Variants in XRCC3 observed in about 807,000 individuals in gnomAD.
XRCC3 encodes the protein DNA repair protein XRCC3.
A neutral mutation model predicts 29.2 loss-of-function variants in XRCC3; 34 were observed. The observed-to-expected ratio is 1.16, with a 90% CI of 0.88 to 1.55. The LOEUF is 1.55. Ranked by LOEUF, XRCC3 falls within the 40% of genes most tolerant of loss-of-function variation. The pLI, the probability that XRCC3 is intolerant of heterozygous loss-of-function variation, is 0.00. For missense variants in XRCC3, 463 were observed against 467.6 expected, an observed-to-expected ratio of 0.99 and a Z score of 0.09; for synonymous variants, 223 against 211.3, an observed-to-expected ratio of 1.06 and a Z score of -0.48.
chr14:103,701,209 A>AC (rs749765355), intron 7 of XRCC3: 2 of 1,550,428 alleles, frequency 1.3e-6, no homozygotes, highest in South Asian at 2.4e-5. Context: ...AGTGACCCCG[A>AC]CCTGGCCCCG....
chr14:103,703,560 C>A (rs2151932550), intron 6 of XRCC3: 1 of 564,524 alleles, frequency 1.8e-6, no homozygotes. Context: ...CCACTTCTGA[C>A]ACCCAGGCAA....
chr14:103,700,713 G>A, intron 7 of XRCC3: 1 of 1,602,430 alleles, frequency 6.2e-7, no homozygotes, highest in Non-Finnish European at 8.5e-7. Context: ...TGGCCTGGAA[G>A]ACGCCACCGC....
At chr14:103,707,265 G>C (rs769230743) in intron 5 of XRCC3, 50 bp from the exon 6 acceptor site, 11 of 1,545,460 alleles carry the variant, frequency 7.1e-6, no homozygotes, top group Non-Finnish European at 9.6e-6. Context: ...CCTGCGGGCA[G>C]GGCTGGGGAC....
At chr14:103,707,529 A>C in intron 5 of XRCC3, 2 of 467,382 alleles carry the variant, frequency 4.3e-6, no homozygotes, top group Non-Finnish European at 7.9e-6. Context: ...GCGCTCCCTA[A>C]CAGCCTCCAT....
In XRCC3 at chr14:103,699,542, G is replaced by A. The variant is rs372108006; in HGVS notation, c.596C>T (p.Pro199Leu). 39 of 1,613,386 alleles carry A rather than the reference G, an allele frequency of 2.4e-5. No homozygotes were observed. Among genetic ancestry groups the A allele is most frequent in the Non-Finnish European group, 3.1e-5 (37 of 1,179,966 alleles). Residue 199 changes from proline (P) to leucine (L), a missense_variant, in exon 8 of 10, where the codon CCC (proline) becomes CTC (leucine). By Grantham distance (98) the Pro-to-Leu change is moderately conservative. Coordinates refer to ENST00000555055, the MANE Select transcript of XRCC3 (RefSeq NM_005432.4). The part of the protein sequence containing the change: ...TLLECVNKKV[P>L]VLLSRGMARL... Reference sequence around the variant, plus strand: ...AGCCATGCCCCGAGACAGCAGTACGGGGACCTTCTTATTCACACACTCCAA... The same window carrying A: ...AGCCATGCCCCGAGACAGCAGTACGAGGACCTTCTTATTCACACACTCCAA...
chr14:103,706,819 A>T (rs2083452255), intron 6 of XRCC3, 184 bp downstream of exon 6: 1 of 739,114 alleles, frequency 1.4e-6, no homozygotes, highest in South Asian at 1.7e-5. Context: ...CTGTCAGCTG[A>T]GCCCAGCCTC....
chr14:103,702,858 C>T (rs1278840282), intron 7 of XRCC3: 4 of 404,130 alleles, frequency 9.9e-6, no homozygotes, highest in Non-Finnish European at 1.9e-5. Flanking sequence ...CGTATCCAGT[C>T]GCCCTCAGTA....
intron 6 of XRCC3, chr14:103,706,121 G>A (rs535194589): frequency 6.7e-4 from 233 of 349,214 alleles, no homozygotes; most frequent in Middle Eastern, 2.1e-3. Flanking sequence ...CACCCGACAC[G>A]GAGGCTCAGG....
chr14:103,698,909 G>T lies in XRCC3; in HGVS notation c.930C>A (p.Cys310Ter). The T allele has an allele frequency of 6.3e-7, 1 of 1,599,380 alleles. No homozygotes were observed. The stretch of plus-strand genomic sequence containing the variant: ...AGAGCACCCGCAGGGTCCGGGCTGG[G>T]CAGCCGAGGGCAGCCTCTTCCTCGC... ...RLREEEAALG[C>*]PARTLRVLSA... Residue 310 changes from cysteine to a stop codon, truncating the protein, a stop_gained, in exon 10 of 10, where the codon TGC (cysteine) becomes TGA (stop). Coordinates refer to ENST00000555055, the MANE Select transcript of XRCC3 (RefSeq NM_005432.4). LOFTEE classifies it low-confidence loss of function (END_TRUNC).
At chr14:103,701,233 C>CT in intron 7 of XRCC3, 1 of 1,549,456 alleles carries the variant, frequency 6.5e-7, no homozygotes, top group African/African-American at 1.4e-5. Context: ...CAGGATGGGA[C>CT]TGCCGAGTGT....
chr14:103,700,721 C>T (rs766317490), intron 7 of XRCC3: 26 of 1,597,698 alleles, frequency 1.6e-5, no homozygotes, highest in African/African-American at 4.1e-5. Flanking sequence ...AAGACGCCAC[C>T]GCTAACGTGA....
chr14:103,708,374 C>T, intron 5 of XRCC3, 148 bp downstream of exon 5: 1 of 1,218,596 alleles, frequency 8.2e-7, no homozygotes, highest in Middle Eastern at 2.7e-4. Flanking sequence ...GTAGGACAAG[C>T]AAGATGGGAA....
chr14:103,706,682 C>G (rs2083448103), intron 6 of XRCC3: 2 of 434,868 alleles, frequency 4.6e-6, no homozygotes, highest in South Asian at 4.1e-5. Flanking sequence ...GCTCTGTGGA[C>G]TCTGGGCTTG....
At chr14:103,713,026 T>G (rs2083687102) in intron 1 of XRCC3, 95 bp from the exon 2 acceptor site, 1 of 152,286 alleles carries the variant, frequency 6.6e-6, no homozygotes, top group Admixed American at 6.5e-5. Context: ...ATTAGGCGCC[T>G]CATCTTCCAC....
chr14:103,699,208 A>C, intron 8 of XRCC3, 29 bp from the exon 9 acceptor site: 4 of 1,550,388 alleles, frequency 2.6e-6, no homozygotes, highest in Non-Finnish European at 3.5e-6. Flanking sequence ...GGTCAGCTGC[A>C]ACGGCTGAGG....
In XRCC3 at chr14:103,699,132, C is replaced by G; in HGVS notation, c.821+1G>C. 1 of 1,572,214 alleles carries G rather than the reference C, an allele frequency of 6.4e-7. No homozygotes were observed. Among genetic ancestry groups the G allele is most frequent in the Non-Finnish European group, 8.6e-7 (1 of 1,160,322 alleles). ...TGCACACACCACATGGCTGCACTCA[C>G]CCCAGCGGCCCGTGTGCTGCGCCCT... On this transcript the variant is annotated splice_donor_variant, in intron 9 of 9. Transcript: ENST00000555055. LOFTEE classifies it high-confidence loss of function.
chr14:103,708,357 C>T, intron 5 of XRCC3, 165 bp downstream of exon 5: 1 of 1,042,196 alleles, frequency 9.6e-7, no homozygotes, highest in Non-Finnish European at 1.4e-6. Flanking sequence ...ACCACAGCCC[C>T]ATGGGTGTAG....
intron 5 of XRCC3, chr14:103,707,463 T>C: frequency 1.7e-6 from 1 of 576,998 alleles, no homozygotes. Flanking sequence ...GGGATCCCCC[T>C]ATGGGGCAAT....
chr14:103,700,916 G>A (rs1488400047), intron 7 of XRCC3, among the ~76,000 whole-genome samples: 1 of 152,236 alleles, frequency 6.6e-6, no homozygotes, highest in Non-Finnish European at 1.5e-5. Flanking sequence ...CAGAGTGGGG[G>A]GGTGGGAATG....
Sources: allele counts gnomAD v4.1 joint callset (sites outside exome capture counted in the v4.1 genomes callset), GRCh38; gene constraint gnomAD v4.1.1; transcripts MANE v1.5; gene names NCBI Gene and HGNC (gene_info 2026-07-23, HGNC 2026-07-21).